Variants in PGGHG observed in about 807,000 individuals in gnomAD.
The protein encoded by PGGHG is protein-glucosylgalactosylhydroxylysine glucosidase.
PGGHG carries 67 observed loss-of-function variants against 74.5 expected under a neutral mutation model. The observed-to-expected ratio is 0.90, with a 90% confidence interval of 0.74 to 1.10. PGGHG has a LOEUF of 1.10. Ranked by LOEUF, PGGHG falls within the 50% of genes least tolerant of loss-of-function variation. The pLI, the probability that PGGHG is intolerant of heterozygous loss-of-function variation, is 0.00. For synonymous variants in PGGHG, 496 were observed against 419.9 expected, an observed-to-expected ratio of 1.18 and a Z score of -2.21; for missense variants, 1,034 against 981.5, an observed-to-expected ratio of 1.05 and a Z score of -0.72.
At chr11:291,352 C>G in intron 4 of PGGHG, 1 of 503,956 alleles carries the variant, frequency 2.0e-6, no homozygotes, top group Non-Finnish European at 3.4e-6. Flanking sequence ...GGAGGGGCCT[C>G]CACCAAGGCG....
rs746144117 is a variant in PGGHG, at chr11:293,471, C to T, written c.1449C>T (p.Asn483=). ...KIKVPFDVEQ[N]FHPEFDGYEP... ...AGGTACCCTTTGACGTGGAGCAGAACTTCCACCCGGAGTTCGATGGGTATG... is the reference window on the plus strand; with the variant it reads ...AGGTACCCTTTGACGTGGAGCAGAATTTCCACCCGGAGTTCGATGGGTATG... Residue 483 remains asparagine (N), a synonymous_variant, in exon 9 of 14, where the codon AAC becomes AAT. Coordinates refer to ENST00000409548, the MANE Select transcript of PGGHG (RefSeq NM_025092.5). 1.1e-5 allele frequency: 18 copies of T among 1,611,712 alleles called. No homozygotes were observed. The South Asian group carries it at 1.9e-4, about 17-fold the overall frequency.
Position 294,734 on chromosome 11 carries a change from C to A in PGGHG, c.2199C>A (p.Asp733Glu), listed in dbSNP as rs1383666638. The A allele has an allele frequency of 1.2e-6, 2 of 1,601,044 alleles. No individual in the cohort carries two copies. The highest frequency in any genetic ancestry group is 2.7e-5 in the African/African-American group (2 of 74,180). Residue 733 changes from aspartate to glutamate, a missense_variant, in exon 14 of 14, where the codon GAC becomes GAA. Transcript: ENST00000409548. ...SSSPTESLTV[D>E]PASE Reference sequence around the variant, plus strand: ...GCCCCACCGAGTCACTCACTGTGGACCCTGCCTCTGAATAATCAGGAACGG... The same window carrying A: ...GCCCCACCGAGTCACTCACTGTGGAACCTGCCTCTGAATAATCAGGAACGG...
At position 289,309 on chromosome 11, in the gene PGGHG, C is replaced by T. The variant is rs1845646084; in HGVS notation, c.-14+70C>T. The T allele has an allele frequency of 7.0e-6, 1 of 143,274 alleles. No individual in the cohort carries two copies. The highest frequency in any genetic ancestry group is 2.6e-5 in the African/African-American group (1 of 39,018). 8.9% of individuals were successfully genotyped at this position (143,274 alleles called of 1,614,324 possible). On this transcript the variant is annotated intron_variant, in intron 1 of 13. Transcript: ENST00000409548. The surrounding 1 kb of genome is among the most constrained non-coding windows in gnomAD (Gnocchi z 5.6). The stretch of plus-strand genomic sequence containing the variant: ...CCCGTCCCCCCAGCCCCCGGTCGCC[C>T]CATCCTCCCTCCCCCACCCGCGCCT...
intron 10 of PGGHG, 34 bp downstream of exon 10, chr11:293,761 A>G (rs1279963157): frequency 1.2e-6 from 2 of 1,613,330 alleles, no homozygotes; most frequent in East Asian, 2.2e-5. Context: ...TTCCTACCCC[A>G]TTGGCCTCAG....
rs115502773 is a variant in PGGHG at position 295,152 on chromosome 11, G to A, written c.*403G>A. 4.4e-3 allele frequency: 751 copies of A among 169,476 alleles called. 8 individuals are homozygous for A. The highest frequency in any genetic ancestry group is 0.017 in the African/African-American group (727 of 42,266). The allele number at this position is 169,476 out of a possible 1,614,324, so 10.5% of individuals were successfully genotyped here. On this transcript the variant is annotated 3_prime_UTR_variant, in exon 14 of 14. Coordinates refer to ENST00000409548, the MANE Select transcript of PGGHG (RefSeq NM_025092.5). ...CAGAGAGGCAGGCTCAGGCCTCAGCGTGGACAGCAGGGATAAGGGGCACGA... is the reference window on the plus strand; with the variant it reads ...CAGAGAGGCAGGCTCAGGCCTCAGCATGGACAGCAGGGATAAGGGGCACGA...
In PGGHG at chr11:294,950, C is replaced by G. The variant is rs1845833968; in HGVS notation, c.*201C>G. 1 of 577,990 alleles carries G rather than the reference C, an allele frequency of 1.7e-6. No individual in the cohort carries two copies. The highest frequency in any genetic ancestry group is 2.9e-6 in the Non-Finnish European group (1 of 345,564). The allele number at this position is 577,990 out of a possible 1,614,324, so 35.8% of individuals were successfully genotyped here. ...GGACCCCCGTGGGCAGGTGGCTTCC[C>G]CGTGGCATCTCCACACCGCCTCTGC... On this transcript the variant is annotated 3_prime_UTR_variant, in exon 14 of 14. Transcript: ENST00000409548.
At position 290,936 on chromosome 11, in the gene PGGHG, C is replaced by CCA; in HGVS notation, c.729_730insCA (p.Leu244HisfsTer69). ...GGGCCCAGCTCTGGGTAGAATGTGG[C>CCA]TTGGACGTGGTGGGGCCCCTGCAGC... On this transcript the variant is annotated frameshift_variant, in exon 4 of 14. Transcript: ENST00000409548. LOFTEE classifies it high-confidence loss of function. The CCA allele has an allele frequency of 6.2e-7, 1 of 1,612,370 alleles. No individual in the cohort carries two copies. The highest frequency in any genetic ancestry group is 1.3e-5 in the African/African-American group (1 of 75,012).
In PGGHG at chr11:294,707, C is replaced by T. The variant is rs1845829211; in HGVS notation, c.2172C>T (p.Ser724=). The part of the protein sequence containing the change: ...QSPLWVTLGS[S]SPTESLTVDP... Reference sequence around the variant, plus strand: ...CCCTCTGGGTCACCCTGGGTTCCTCCAGCCCCACCGAGTCACTCACTGTGG... The same window carrying T: ...CCCTCTGGGTCACCCTGGGTTCCTCTAGCCCCACCGAGTCACTCACTGTGG... Residue 724 remains serine (S), a synonymous_variant, in exon 14 of 14, where the codon TCC becomes TCT. Transcript: ENST00000409548. 1 of 1,611,658 alleles carries T rather than the reference C, an allele frequency of 6.2e-7. No homozygotes were observed.
Position 290,969 on chromosome 11 carries a change from G to T in PGGHG, c.762G>T (p.Gln254His). 6.2e-7 allele frequency: 1 copy of T among 1,612,748 alleles called. No homozygotes were observed. ...TGGTGGGGCCCCTGCAGCTGCGCCA[G>T]GCCCTGCGTGGCTCCCTCTACTACC... ...LDVVGPLQLR[Q>H]ALRGSLYYLL... Residue 254 changes from glutamine to histidine, a missense_variant, in exon 4 of 14, where the codon CAG becomes CAT. Physicochemically the swap from Gln to His is conservative, Grantham distance 24. Transcript: ENST00000409548.
In PGGHG at chr11:293,509, G is replaced by C. The variant is rs760441413; in HGVS notation, c.1480+7G>C. ...TTCGATGGGTATGAGCCTGGTGAGTGGACCCCTTCAAGGGCTCCTCCCCTG... is the reference window on the plus strand; with the variant it reads ...TTCGATGGGTATGAGCCTGGTGAGTCGACCCCTTCAAGGGCTCCTCCCCTG... On this transcript the variant is annotated splice_region_variant and intron_variant, in intron 9 of 13. Transcript: ENST00000409548. 6.2e-7 allele frequency: 1 copy of C among 1,611,464 alleles called. No homozygotes were observed. The highest frequency in any genetic ancestry group is 1.7e-5 in the Admixed American group (1 of 60,012).
rs1175275999 is a variant in PGGHG, at chr11:289,255, CCCCGCCCCGCAGCT to C, written c.-14+21_-14+34del. 2 of 150,314 alleles carry C rather than the reference CCCCGCCCCGCAGCT, an allele frequency of 1.3e-5. No homozygotes were observed. The highest frequency in any genetic ancestry group is 3.0e-5 in the Non-Finnish European group (2 of 66,992). The allele number at this position is 150,314 out of a possible 1,614,324, so 9.3% of individuals were successfully genotyped here. ...TGGGGCTGCGGTGAGTCCCAGAGGC[CCCCGCCCCGCAGCT>C]CCCGGCCGCCCCGGCCCGTCCCCCC... On this transcript the variant is annotated intron_variant, in intron 1 of 13. Coordinates refer to ENST00000409548, the MANE Select transcript of PGGHG (RefSeq NM_025092.5). The surrounding 1 kb of genome is among the most constrained non-coding windows in gnomAD (Gnocchi z 5.6).
rs1368243641 is a variant in PGGHG, at chr11:293,925, G to A, written c.1710G>A (p.Lys570=). ...RSFANMAEPF[K]VWTENADGSG... is the part of the protein sequence containing the mutation. ...TTGCCAACATGGCTGAACCCTTCAA[G>A]GTCAGCCTGGCCACACCTGCCTCCC... Residue 570 remains lysine (K), a splice_region_variant and synonymous_variant, in exon 11 of 14, where the codon AAG becomes AAA. Transcript: ENST00000409548. 1.9e-6 allele frequency: 3 copies of A among 1,610,592 alleles called. No homozygotes were observed. In the East Asian group the frequency reaches 6.7e-5, roughly 36 times the overall value.
intron 11 of PGGHG, 72 bp from the exon 12 acceptor site, chr11:294,027 G>A (rs1002284161): frequency 3.3e-5 from 52 of 1,576,068 alleles, no homozygotes; most frequent in Admixed American, 2.6e-4. Flanking sequence ...GCTTCCTGCC[G>A]GATCTTGGGA....
chr11:293,879 G>A lies in PGGHG; in HGVS notation c.1664G>A (p.Arg555Gln), dbSNP rs139567808. Residue 555 changes from arginine (R) to glutamine (Q), a missense_variant, in exon 11 of 14, where the codon CGG (arginine) becomes CAG (glutamine). Coordinates refer to ENST00000409548, the MANE Select transcript of PGGHG (RefSeq NM_025092.5). ...WMELKDAVRA[R>Q]GLLDRSFANM... The stretch of plus-strand genomic sequence containing the variant: ...GAGCTGAAGGACGCAGTGCGGGCCC[G>A]GGGCCTCCTGGACAGGAGCTTTGCC... 30 of 1,613,498 alleles carry A rather than the reference G, an allele frequency of 1.9e-5. No homozygotes were observed. The highest frequency in any genetic ancestry group is 8.3e-5 in the Admixed American group (5 of 60,002).
intron 7 of PGGHG, 74 bp downstream of exon 7, chr11:293,071 CCT>C: frequency 6.2e-7 from 1 of 1,613,860 alleles, no homozygotes; most frequent in Non-Finnish European, 8.5e-7. Context: ...TTTTCAGACA[CCT>C]CACGTGTGCC....
rs1845801186 is a variant in PGGHG, at chr11:293,895, G to C, written c.1680G>C (p.Arg560Ser). 1.2e-6 allele frequency: 2 copies of C among 1,613,366 alleles called. No homozygotes were observed. The highest frequency in any genetic ancestry group is 1.7e-6 in the Non-Finnish European group (2 of 1,179,894). ...TGCGGGCCCGGGGCCTCCTGGACAG[G>C]AGCTTTGCCAACATGGCTGAACCCT... The part of the protein sequence containing the change: ...DAVRARGLLD[R>S]SFANMAEPFK... The change falls in exon 11 of 14, where the codon AGG (arginine) becomes AGC (serine). Residue 560 changes from arginine (R) to serine (S), a missense_variant. Physicochemically the swap from Arg to Ser is moderately radical, Grantham distance 110 (BLOSUM62 -1). Transcript: ENST00000409548.
chr11:292,131 G>A (rs760965304), intron 5 of PGGHG, 36 bp downstream of exon 5: 6 of 1,504,620 alleles, frequency 4.0e-6, no homozygotes, highest in Non-Finnish European at 5.3e-6. Flanking sequence ...GTAGGGCCCT[G>A]CAGGGCCTGC....
intron 2 of PGGHG, 148 bp from the exon 3 acceptor site, chr11:290,242 C>G: frequency 7.6e-7 from 1 of 1,320,776 alleles, no homozygotes; most frequent in Admixed American, 2.5e-5. Context: ...CACCTGGAGG[C>G]CTCCTGTGCA....
In PGGHG at chr11:289,755, G is replaced by C; in HGVS notation, c.-13-49G>C. ...AGGGGATTACAGACGGTCTCAAGAG[G>C]GAGGCCCAGCCAGTCCCGCGGCCCC... is the stretch of plus-strand genomic sequence containing the variant. On this transcript the variant is annotated intron_variant, in intron 1 of 13. Transcript: ENST00000409548. The surrounding 1 kb of genome is among the most constrained non-coding windows in gnomAD (Gnocchi z 5.6). 5 of 1,504,278 alleles carry C rather than the reference G, an allele frequency of 3.3e-6. No individual in the cohort carries two copies. Among genetic ancestry groups the C allele is most frequent in the Non-Finnish European group, 2.7e-6 (3 of 1,123,928 alleles). 93.2% of individuals were successfully genotyped at this position (1,504,278 alleles called of 1,614,324 possible). A position where few individuals can be genotyped will look rare whatever the true frequency, so the allele number is the denominator to read the frequency against.
Sources: allele counts gnomAD v4.1 joint callset, GRCh38; gene constraint gnomAD v4.1.1; non-coding constraint Gnocchi (gnomAD v3.1); transcripts MANE v1.5; gene names NCBI Gene and HGNC (gene_info 2026-07-23, HGNC 2026-07-21).